Variants in LRRTM4 observed in about 807,000 individuals in gnomAD.
The protein encoded by LRRTM4 is leucine-rich repeat transmembrane neuronal protein 4.
A neutral mutation model predicts 47.6 loss-of-function variants in LRRTM4; 25 were observed. That is an observed-to-expected ratio of 0.53 (90% CI 0.38 to 0.73). LRRTM4 has a LOEUF of 0.73. Among genes scored for constraint, LRRTM4 ranks in the 30% least tolerant of loss-of-function variants. LRRTM4 has a pLI of 0.00. For synonymous variants in LRRTM4, 311 were observed against 269.5 expected (o/e 1.15, Z -1.51); for missense variants, 638 against 713.4 (o/e 0.89, Z 1.20).
At chr2:77,342,663 T>G (rs945798806) in intron 3 of LRRTM4, among the ~76,000 whole-genome samples, 1 of 151,998 alleles carries the variant, frequency 6.6e-6, no homozygotes, top group Admixed American at 6.6e-5. Flanking sequence ...TAATAAAATA[T>G]CTTCCAGAGA....
intron 3 of LRRTM4, among the ~76,000 whole-genome samples, chr2:77,156,557 C>T (rs185526384): frequency 1.5e-3 from 227 of 151,836 alleles, no homozygotes; most frequent in African/African-American, 5.3e-3. Flanking sequence ...CAGAATGATG[C>T]CAATAACATA....
intron 3 of LRRTM4, among the ~76,000 whole-genome samples, chr2:77,272,975 T>C (rs1442807573): frequency 2.6e-5 from 4 of 152,224 alleles, no homozygotes; most frequent in Non-Finnish European, 4.4e-5. Flanking sequence ...TTTAAAGTCA[T>C]GTATTTTAGA....
chr2:76,899,570 C>T (rs954106904), intron 3 of LRRTM4, among the ~76,000 whole-genome samples: 2 of 151,894 alleles, frequency 1.3e-5, no homozygotes, highest in Admixed American at 6.6e-5. Context: ...TGCAAAGGAC[C>T]TAATGTGAAT....
At chr2:77,207,662 G>T (rs1004625162) in intron 3 of LRRTM4, among the ~76,000 whole-genome samples, 28 of 151,486 alleles carry the variant, frequency 1.8e-4, no homozygotes, top group Non-Finnish European at 4.4e-5. Context: ...AACAATCACT[G>T]ACAATTCTGG....
chr2:77,330,154 T>C (rs1183177080), intron 3 of LRRTM4, among the ~76,000 whole-genome samples: 2 of 152,158 alleles, frequency 1.3e-5, no homozygotes, highest in Non-Finnish European at 2.9e-5. Context: ...TGTCACTTGA[T>C]AAATAAATGT....
intron 3 of LRRTM4, chr2:77,517,094 A>C: frequency 1.0e-6 from 1 of 985,152 alleles, no homozygotes; most frequent in African/African-American, 1.7e-5. Flanking sequence ...AGGCCTTAGT[A>C]GTCAGTCTTT....
chr2:77,207,142 T>TTA (rs35745580), intron 3 of LRRTM4, among the ~76,000 whole-genome samples: 30,887 of 136,478 alleles, frequency 0.23, 3,482 homozygotes, highest in East Asian at 0.32. Context: ...TATTTTATAT[T>TTA]TATATATATA....
At chr2:77,083,822 T>C (rs28507555) in intron 3 of LRRTM4, among the ~76,000 whole-genome samples, 149 of 119,872 alleles carry the variant, frequency 1.2e-3, no homozygotes, top group African/African-American at 4.4e-3. Context: ...TTTTTTTTTT[T>C]CAGACGGAGT....
At chr2:76,976,662 C>A (rs1676427312) in intron 3 of LRRTM4, among the ~76,000 whole-genome samples, 1 of 151,702 alleles carries the variant, frequency 6.6e-6, no homozygotes, top group African/African-American at 2.4e-5. Context: ...ATTTCTATGG[C>A]ATTCAAAGTA....
At chr2:76,832,753 C>T (rs563750665) in intron 3 of LRRTM4, among the ~76,000 whole-genome samples, 22 of 151,984 alleles carry the variant, frequency 1.4e-4, no homozygotes, top group African/African-American at 4.8e-4. Flanking sequence ...ACATTTCTAA[C>T]GTACCTAAAA....
chr2:76,793,740 G>T (rs753229146), intron 3 of LRRTM4, among the ~76,000 whole-genome samples: 5 of 152,190 alleles, frequency 3.3e-5, no homozygotes, highest in Non-Finnish European at 7.4e-5. Context: ...GGCACATTTT[G>T]CCCACCAGTA....
In LRRTM4 at chr2:77,276,202, G is replaced by T. The variant is rs115337757; in HGVS notation, c.1551+242116C>A. 9.1e-3 allele frequency among the ~76,000 whole-genome samples: 1,377 copies of T among 151,976 alleles called. 23 individuals carry two copies. Among genetic ancestry groups the T allele is most frequent in the African/African-American group, 0.03 (1,259 of 41,500 alleles). On this transcript the variant is annotated intron_variant, in intron 3 of 3. Transcript: ENST00000409884. ...TTATAATTCTAACCATTAAAAATAA[G>T]TCACTGATTTTGGATTGGCCCAAAA...
chr2:76,968,407 T>G (rs1157015608), intron 3 of LRRTM4, among the ~76,000 whole-genome samples: 1 of 144,356 alleles, frequency 6.9e-6, no homozygotes, highest in African/African-American at 2.5e-5. Context: ...TACATATATA[T>G]GTAGTAAAAT....
Position 77,012,151 on chromosome 2 carries a change from A to C in LRRTM4, c.1552-263235T>G, listed in dbSNP as rs114151983. 8.5e-3 allele frequency among the ~76,000 whole-genome samples: 1,298 copies of C among 152,206 alleles called. 21 individuals carry two copies. Among genetic ancestry groups the C allele is most frequent in the African/African-American group, 0.029 (1,222 of 41,536 alleles). On this transcript the variant is annotated intron_variant, in intron 3 of 3. Transcript: ENST00000409884. The stretch of plus-strand genomic sequence containing the variant: ...AATGAATTCTGAAAAATGTAGTTTA[A>C]TTTTAATTAAATTGAGAGAATATAA...
At chr2:76,980,800 A>G (rs1052086324) in intron 3 of LRRTM4, among the ~76,000 whole-genome samples, 2 of 152,104 alleles carry the variant, frequency 1.3e-5, no homozygotes, top group Admixed American at 1.3e-4. Context: ...GATTGGATAG[A>G]AAGTATAATT....
intron 3 of LRRTM4, among the ~76,000 whole-genome samples, chr2:76,795,062 A>C (rs932183439): frequency 1.3e-5 from 2 of 152,230 alleles, no homozygotes; most frequent in Admixed American, 1.3e-4. Context: ...TAGTAAGCTA[A>C]AGTAAAAATA....
intron 3 of LRRTM4, among the ~76,000 whole-genome samples, chr2:76,823,281 T>C (rs1671102905): frequency 6.6e-6 from 1 of 151,420 alleles, no homozygotes; most frequent in Non-Finnish European, 1.5e-5. Context: ...GATTACCTTA[T>C]ATCCCATCTA....
intron 3 of LRRTM4, among the ~76,000 whole-genome samples, chr2:76,823,175 T>A (rs1406471044): frequency 6.6e-6 from 1 of 151,434 alleles, no homozygotes; most frequent in Non-Finnish European, 1.5e-5. Context: ...TATAGAAATA[T>A]GTTGATATCA....
At chr2:77,423,725 C>T (rs1190983617) in intron 3 of LRRTM4, among the ~76,000 whole-genome samples, 1 of 152,086 alleles carries the variant, frequency 6.6e-6, no homozygotes, top group African/African-American at 2.4e-5. Context: ...TCTCAACAGT[C>T]AGAATTGTGT....
Sources: allele counts gnomAD v4.1 joint callset (sites outside exome capture counted in the v4.1 genomes callset), GRCh38; gene constraint gnomAD v4.1.1; transcripts MANE v1.5; gene names NCBI Gene and HGNC (gene_info 2026-07-23, HGNC 2026-07-21).